Variants in PCDHGB1 observed in about 807,000 individuals in gnomAD.
PCDHGB1 encodes the protein protocadherin gamma-B1.
PCDHGB1 carries 34 observed loss-of-function variants against 56.6 expected under a neutral mutation model. That is an observed-to-expected ratio of 0.60 (90% confidence interval 0.46 to 0.80). PCDHGB1 has a LOEUF of 0.80. PCDHGB1 is among the 30% of genes least tolerant of loss of function. The pLI is 0.00. For synonymous variants in PCDHGB1, 561 were observed against 505.9 expected (o/e 1.11, Z -1.46); for missense variants, 1,278 against 1,204.6 (o/e 1.06, Z -0.90).
At chr5:141,371,866 T>A (rs1768128471) in intron 1 of PCDHGB1, 1 of 1,613,504 alleles carries the variant, frequency 6.2e-7, no homozygotes, top group Non-Finnish European at 8.5e-7. Flanking sequence ...TCCTACTACA[T>A]CGTGGCCAGT....
At chr5:141,394,407 G>A in intron 1 of PCDHGB1, 1 of 1,614,240 alleles carries the variant, frequency 6.2e-7, no homozygotes, top group Admixed American at 1.7e-5. Context: ...GCAGCTACTG[G>A]TAACAGCCAG....
In PCDHGB1 at chr5:141,389,617, A is replaced by G. The variant is rs375985151; in HGVS notation, c.2409+36948A>G. 179 of 1,612,924 alleles carry G rather than the reference A, an allele frequency of 1.1e-4. No individual in the cohort carries two copies. The Middle Eastern group carries it at 3.6e-3, about 32-fold the overall frequency. ...TCTGCGCTCTTCGATATGGTGCCGC[A>G]CGCTGCAGAGCCTGGCTACTTGGTG... is the stretch of plus-strand genomic sequence containing the variant. On this transcript the variant is annotated intron_variant, in intron 1 of 3. Transcript: ENST00000523390.
Position 141,410,070 on chromosome 5 carries a change from C to A in PCDHGB1, c.2409+57401C>A, listed in dbSNP as rs1368179504. On this transcript the variant is annotated intron_variant, in intron 1 of 3. Transcript: ENST00000523390. ...GGACTCTTCAGCCTGGGGCTGCGCA[C>A]TGGGGAGGTGCGCACGGCTCGAGCC... 6.2e-7 allele frequency: 1 copy of A among 1,612,806 alleles called. No homozygotes were observed. The highest frequency in any genetic ancestry group is 1.3e-5 in the African/African-American group (1 of 74,938).
At chr5:141,430,906 C>A (rs764039566) in intron 1 of PCDHGB1, 2 of 1,606,932 alleles carry the variant, frequency 1.2e-6, no homozygotes, top group Non-Finnish European at 1.7e-6. Flanking sequence ...GCGACATCTC[C>A]AGGGACCTGG....
At chr5:141,480,021 C>T (rs1415230863) in intron 1 of PCDHGB1, among the ~76,000 whole-genome samples, 2 of 152,208 alleles carry the variant, frequency 1.3e-5, no homozygotes, top group East Asian at 3.8e-4. Flanking sequence ...AATCTCCTTT[C>T]TAAGCCTCTT....
intron 1 of PCDHGB1, chr5:141,422,988 C>T: frequency 6.2e-7 from 1 of 1,614,232 alleles, no homozygotes; most frequent in Non-Finnish European, 8.5e-7. Context: ...AACCTGGCTA[C>T]CTGGTGACCA....
At chr5:141,501,423 A>C (rs1195105794) in intron 2 of PCDHGB1, among the ~76,000 whole-genome samples, 1 of 151,966 alleles carries the variant, frequency 6.6e-6, no homozygotes, top group Non-Finnish European at 1.5e-5. Flanking sequence ...AGTTGACTAA[A>C]TGTAGTCCAT....
At chr5:141,410,295 T>A (rs1043971768) in intron 1 of PCDHGB1, 1 of 1,613,982 alleles carries the variant, frequency 6.2e-7, no homozygotes, top group Admixed American at 1.7e-5. Flanking sequence ...GCCTTGGCCT[T>A]AATCTCAGTG....
chr5:141,431,297 C>T lies in PCDHGB1; in HGVS notation c.2410-63510C>T. The T allele has an allele frequency of 6.2e-7, 1 of 1,614,126 alleles. No homozygotes were observed. The highest frequency in any genetic ancestry group is 8.5e-7 in the Non-Finnish European group (1 of 1,180,036). Reference sequence around the variant, plus strand: ...GCTCAGCCCGAACACTCACTTCTCCCTCATCGTGCAAAATGGAGCCGACGG... The same window carrying T: ...GCTCAGCCCGAACACTCACTTCTCCTTCATCGTGCAAAATGGAGCCGACGG... On this transcript the variant is annotated intron_variant, in intron 1 of 3. Coordinates refer to ENST00000523390, the MANE Select transcript of PCDHGB1 (RefSeq NM_018922.3). This position sits in a 1 kb window ranked among gnomAD's most constrained non-coding sequence, Gnocchi z 4.8.
rs748950800 is a variant in PCDHGB1, at chr5:141,476,983, C to T, written c.2410-17824C>T. ...ACTCCTTCGGCAGCCACAACCGCGC[C>T]GGCGTGCGGCAACTATTCGCCTTAG... On this transcript the variant is annotated intron_variant, in intron 1 of 3. Transcript: ENST00000523390. The surrounding 1 kb of genome is among the most constrained non-coding windows in gnomAD (Gnocchi z 7.6). 12 of 1,614,096 alleles carry T rather than the reference C, an allele frequency of 7.4e-6. No individual in the cohort carries two copies. The highest frequency in any genetic ancestry group is 8.5e-7 in the Non-Finnish European group (1 of 1,180,046).
Position 141,423,257 on chromosome 5 carries a change from G to T in PCDHGB1, c.2409+70588G>T, listed in dbSNP as rs1412429501. ...ATCCCCGAAGTCCTGGCGGACCTCG[G>T]CAGCCTCGAGTCTCTGGCTAACTCT... On this transcript the variant is annotated intron_variant, in intron 1 of 3. Transcript: ENST00000523390. The T allele has an allele frequency of 8.7e-6, 14 of 1,613,946 alleles. No individual in the cohort carries two copies. The highest frequency in any genetic ancestry group is 1.3e-5 in the African/African-American group (1 of 75,060).
At chr5:141,509,573 C>G (rs372901649) in intron 3 of PCDHGB1, among the ~76,000 whole-genome samples, 4 of 152,164 alleles carry the variant, frequency 2.6e-5, no homozygotes, top group Admixed American at 2.6e-4. Context: ...CTTCACAGTG[C>G]GTACAAATCA....
rs780502910 is a variant in PCDHGB1, at chr5:141,351,486, AG to A, written c.1227del (p.Glu409AspfsTer11). 4 of 1,613,982 alleles carry A rather than the reference AG, an allele frequency of 2.5e-6. No homozygotes were observed. The South Asian group carries it at 4.4e-5, about 18-fold the overall frequency. ...KLVIAGALNR[E>X]QTADYNVTII... is the part of the protein sequence containing the mutation. ...GTGATTGCTGGAGCCCTAAACCGGG[AG>A]CAGACAGCAGACTACAACGTCACAA... On this transcript the variant is annotated frameshift_variant, in exon 1 of 4. Coordinates refer to ENST00000523390, the MANE Select transcript of PCDHGB1 (RefSeq NM_018922.3). LOFTEE classifies it high-confidence loss of function.
intron 1 of PCDHGB1, chr5:141,407,965 G>A (rs2095011875): frequency 4.4e-6 from 3 of 688,096 alleles, no homozygotes; most frequent in Non-Finnish European, 6.9e-6. Flanking sequence ...CAGAGCAAGC[G>A]CTGACGCCGG....
At chr5:141,478,339 C>A in intron 1 of PCDHGB1, 1 of 1,613,918 alleles carries the variant, frequency 6.2e-7, no homozygotes, top group Admixed American at 1.7e-5. Flanking sequence ...CAGGGCCCTC[C>A]TTGCACGCGG....
intron 1 of PCDHGB1, chr5:141,403,999 T>C (rs1399272947): frequency 3.1e-6 from 5 of 1,613,898 alleles, no homozygotes; most frequent in Non-Finnish European, 4.2e-6. Context: ...AAGTGACCAT[T>C]ACATCTCTGT....
intron 1 of PCDHGB1, chr5:141,419,732 G>A (rs2096422854): frequency 6.2e-7 from 1 of 1,613,792 alleles, no homozygotes; most frequent in Non-Finnish European, 8.5e-7. Flanking sequence ...GCGAACAGGC[G>A]AGGTGCGCAT....
chr5:141,489,904 C>T lies in PCDHGB1; in HGVS notation c.2410-4903C>T, dbSNP rs750411680. On this transcript the variant is annotated intron_variant, in intron 1 of 3. Transcript: ENST00000523390. This position sits in a 1 kb window ranked among gnomAD's most constrained non-coding sequence, Gnocchi z 4.5. ...TGCTGTGGATGGGGGGACCCCAGCC[C>T]GCTCAGGGACCACCCTTATCTCTGT... 1.6e-5 allele frequency: 26 copies of T among 1,614,092 alleles called. No homozygotes were observed. The highest frequency in any genetic ancestry group is 3.3e-5 in the Admixed American group (2 of 60,014).
At chr5:141,377,431 A>T (rs1773974129) in intron 1 of PCDHGB1, 1 of 152,002 alleles carries the variant, frequency 6.6e-6, no homozygotes, top group East Asian at 1.9e-4. Context: ...CTCTGTCTCT[A>T]CCAAAAAGAA....
Sources: gnomAD v4.1 joint callset for allele counts (sites outside exome capture counted in the v4.1 genomes callset) on GRCh38, gnomAD v4.1.1 for gene constraint, Gnocchi (gnomAD v3.1) non-coding constraint, MANE v1.5 for transcripts, NCBI Gene and HGNC (gene_info 2026-07-23, HGNC 2026-07-21) for gene names.